ZNF254: variants seen among roughly 807,000 people sequenced by gnomAD.
The protein encoded by ZNF254 is CTD-2017D11.1.
Under a neutral mutation model 12.4 loss-of-function variants are expected in ZNF254, and 10 were observed. The observed-to-expected ratio is 0.80, with a 90% confidence interval of 0.50 to 1.36. The LOEUF (loss-of-function observed/expected upper bound fraction) is 1.36. ZNF254 is among the 40% of genes most tolerant of loss of function. The pLI, the probability that ZNF254 is intolerant of heterozygous loss-of-function variation, is 0.00. For synonymous variants in ZNF254, 305 were observed against 253.4 expected (o/e 1.20, Z -1.93); for missense variants, 996 against 763.9 (o/e 1.30, Z -3.58).
At chr19:24,086,913 T>G (rs1368075388), upstream of ZNF254, among the ~76,000 whole-genome samples, 1 of 152,250 alleles carries the variant, frequency 6.6e-6, no homozygotes, top group Non-Finnish European at 1.5e-5. Flanking sequence ...GTTCACATTT[T>G]GAATACATTG....
At chr19:24,109,690 C>CTTTTTCT (rs749646680) in intron 3 of ZNF254, among the ~76,000 whole-genome samples, 2 of 148,344 alleles carry the variant, frequency 1.3e-5, no homozygotes, top group African/African-American at 2.5e-5. Context: ...AGCTAATTTT[C>CTTTTTCT]TTTTTCTTTT....
chr19:24,035,727 T>C (rs1374887371), intron 1 of ZNF254, among the ~76,000 whole-genome samples: 1 of 152,046 alleles, frequency 6.6e-6, no homozygotes, highest in Non-Finnish European at 1.5e-5. Context: ...TTTGGGAGCC[T>C]GAGGAAAGAA....
upstream of ZNF254, among the ~76,000 whole-genome samples, chr19:24,085,769 T>C (rs932901634): frequency 2.0e-5 from 3 of 150,108 alleles, no homozygotes; most frequent in Non-Finnish European, 4.4e-5. Context: ...AAGCCTCTCC[T>C]GGAAATAAAA....
At chr19:24,108,380 A>G (rs1375943770) in intron 3 of ZNF254, among the ~76,000 whole-genome samples, 1 of 152,166 alleles carries the variant, frequency 6.6e-6, no homozygotes, top group Admixed American at 6.5e-5. Flanking sequence ...TTAGCCAAAA[A>G]CAGTAGTTCT....
rs1974853111 is a variant in ZNF254, at chr19:24,126,511, A to G, written c.511A>G (p.Arg171Gly). The G allele has an allele frequency of 6.3e-7, 1 of 1,589,332 alleles. No individual in the cohort carries two copies. Among genetic ancestry groups the G allele is most frequent in the Admixed American group, 1.9e-5 (1 of 52,584 alleles). ...CTTCTATAAATTTTTAAATTCAAAC[A>G]GACCTAAGATAAGACATACTGAAAA... ...KVFYKFLNSN[R>G]PKIRHTEKKS... The change falls in exon 4 of 4, where the codon AGA becomes GGA. Residue 171 changes from arginine (R) to glycine (G), a missense_variant. Physicochemically the swap from Arg to Gly is moderately radical, Grantham distance 125. Transcript: ENST00000357002.
At chr19:24,057,259 T>C (rs1206144585) in intron 2 of ZNF254, among the ~76,000 whole-genome samples, 1 of 152,210 alleles carries the variant, frequency 6.6e-6, no homozygotes, top group Non-Finnish European at 1.5e-5. Context: ...GGAGAGGTCT[T>C]AAATCTTACA....
At chr19:24,049,988 G>A (rs1191628821) in intron 2 of ZNF254, among the ~76,000 whole-genome samples, 1 of 151,766 alleles carries the variant, frequency 6.6e-6, no homozygotes, top group Non-Finnish European at 1.5e-5. Flanking sequence ...CTAATACTAG[G>A]GTGACAGTAC....
intron 2 of ZNF254, among the ~76,000 whole-genome samples, chr19:24,058,305 T>C (rs1970938028): frequency 1.3e-5 from 2 of 152,184 alleles, no homozygotes; most frequent in Non-Finnish European, 2.9e-5. Flanking sequence ...AACTAGGTGA[T>C]GTGACTCCAT....
chr19:24,116,529 C>G (rs931843338), intron 3 of ZNF254, among the ~76,000 whole-genome samples: 18 of 152,226 alleles, frequency 1.2e-4, no homozygotes, highest in Non-Finnish European at 2.4e-4. Context: ...GTTCTCAAGC[C>G]TTGGCTTTCA....
At chr19:24,091,075 C>T (rs941107582) in intron 1 of ZNF254, among the ~76,000 whole-genome samples, 3 of 150,494 alleles carry the variant, frequency 2.0e-5, no homozygotes, top group Admixed American at 6.6e-5. Context: ...CAGCCTCCTG[C>T]GTAGCTGGGA....
upstream of ZNF254, among the ~76,000 whole-genome samples, chr19:24,083,220 CA>C (rs750374525): frequency 6.6e-6 from 1 of 151,512 alleles, no homozygotes; most frequent in Non-Finnish European, 1.5e-5. Flanking sequence ...AAAGCAGCTG[CA>C]AAAAAATAAT....
intron 3 of ZNF254, among the ~76,000 whole-genome samples, chr19:24,117,879 C>G (rs1355403251): frequency 6.6e-6 from 1 of 151,908 alleles, no homozygotes; most frequent in East Asian, 1.9e-4. Context: ...ATATTCCATT[C>G]TATCATACAT....
At chr19:24,051,833 T>C (rs1308388799) in intron 2 of ZNF254, among the ~76,000 whole-genome samples, 1 of 152,168 alleles carries the variant, frequency 6.6e-6, no homozygotes, top group East Asian at 1.9e-4. Flanking sequence ...GTGACTCTTT[T>C]CTCATGCATG....
chr19:24,055,510 C>T (rs1298767960), intron 2 of ZNF254, among the ~76,000 whole-genome samples: 2 of 152,034 alleles, frequency 1.3e-5, no homozygotes, highest in Non-Finnish European at 2.9e-5. Context: ...ATCTCCTGAC[C>T]TCGTGATCCA....
At position 24,127,643 on chromosome 19, in the gene ZNF254, G is replaced by A. The variant is rs367640376; in HGVS notation, c.1643G>A (p.Cys548Tyr). Residue 548 changes from cysteine (C) to tyrosine (Y), a missense_variant, in exon 4 of 4, where the codon TGT (cysteine) becomes TAT (tyrosine). Physicochemically the swap from Cys to Tyr is radical, Grantham distance 194. Transcript: ENST00000357002. ...IIHTEEKPYK[C>Y]EKCGKAFKQS... Reference sequence around the variant, plus strand: ...CATACTGAAGAGAAACCCTACAAATGTGAAAAATGTGGCAAAGCCTTTAAG... The same window carrying A: ...CATACTGAAGAGAAACCCTACAAATATGAAAAATGTGGCAAAGCCTTTAAG... 12 of 1,610,728 alleles carry A rather than the reference G, an allele frequency of 7.5e-6. No individual in the cohort carries two copies. The highest frequency in any genetic ancestry group is 1.0e-5 in the Non-Finnish European group (12 of 1,178,336).
At chr19:24,059,132 G>T (rs1970975036) in intron 2 of ZNF254, among the ~76,000 whole-genome samples, 1 of 152,190 alleles carries the variant, frequency 6.6e-6, no homozygotes, top group South Asian at 2.1e-4. Flanking sequence ...AATATTCATG[G>T]CCCCAGCGCC....
intron 3 of ZNF254, among the ~76,000 whole-genome samples, chr19:24,115,313 G>C (rs1284900282): frequency 6.6e-6 from 1 of 152,010 alleles, no homozygotes; most frequent in East Asian, 1.9e-4. Flanking sequence ...AAGAAAATGT[G>C]GCACATATAC....
chr19:24,034,282 TGTC>T (rs1969875656), intron 1 of ZNF254, among the ~76,000 whole-genome samples: 1 of 107,568 alleles, frequency 9.3e-6, no homozygotes, highest in Non-Finnish European at 2.2e-5. Flanking sequence ...CTCCTGCAGA[TGTC>T]CCAGCCTGCT....
chr19:24,051,195 T>C (rs1970632390), intron 2 of ZNF254, among the ~76,000 whole-genome samples: 1 of 152,196 alleles, frequency 6.6e-6, no homozygotes, highest in South Asian at 2.1e-4. Context: ...TCTGGCTTTG[T>C]TGCCCCGGCT....
Sources: gnomAD v4.1 joint callset for allele counts (sites outside exome capture counted in the v4.1 genomes callset) on GRCh38, gnomAD v4.1.1 for gene constraint, MANE v1.5 for transcripts, NCBI Gene and HGNC (gene_info 2026-07-23, HGNC 2026-07-21) for gene names.